Variants in PUM2 observed in about 807,000 individuals in gnomAD.
PUM2 encodes the protein pumilio RNA binding family member 2.
PUM2 carries 57 observed loss-of-function variants against 124.5 expected under a neutral mutation model. That is an observed-to-expected ratio of 0.46 (90% CI 0.37 to 0.57). PUM2 has a LOEUF of 0.57. Ranked by LOEUF, PUM2 falls within the 20% of genes least tolerant of loss-of-function variation. The pLI, the probability that PUM2 is intolerant of heterozygous loss-of-function variation, is 0.00. For missense variants in PUM2, 1,065 were observed against 1,290.6 expected (o/e 0.83, Z 2.68); for synonymous variants, 460 against 446.1 (o/e 1.03, Z -0.39).
intron 1 of PUM2, among the ~76,000 whole-genome samples, chr2:20,344,234 A>G (rs1201025109): frequency 6.6e-6 from 1 of 151,954 alleles, no homozygotes; most frequent in Non-Finnish European, 1.5e-5. Context: ...TGCCCAGCTA[A>G]TTTTTGCATT....
chr2:20,314,497 T>A (rs533351717), intron 3 of PUM2, among the ~76,000 whole-genome samples: 1 of 152,360 alleles, frequency 6.6e-6, no homozygotes, highest in South Asian at 2.1e-4. Flanking sequence ...AACATTCAAA[T>A]AGTTTTTGCT....
intron 1 of PUM2, among the ~76,000 whole-genome samples, chr2:20,333,808 G>T (rs182553636): frequency 1.2e-3 from 179 of 152,276 alleles, no homozygotes; most frequent in Non-Finnish European, 2.0e-3. Context: ...AGTGTTAGGG[G>T]TGGGGCCTAG....
chr2:20,275,673 C>A (rs1001861724), intron 13 of PUM2, among the ~76,000 whole-genome samples: 1 of 152,004 alleles, frequency 6.6e-6, no homozygotes, highest in Non-Finnish European at 1.5e-5. Flanking sequence ...AATAAACCAA[C>A]CAACCCATAA....
At chr2:20,256,617 T>C (rs1355882362) in intron 16 of PUM2, among the ~76,000 whole-genome samples, 2 of 152,044 alleles carry the variant, frequency 1.3e-5, no homozygotes, top group African/African-American at 2.4e-5. Context: ...GCTGAGTGAG[T>C]TTATCAAGTA....
rs549806773 is a variant in PUM2, at chr2:20,282,931, G to A, written c.1720+16C>T. On this transcript the variant is annotated intron_variant, in intron 12 of 20. Transcript: ENST00000361078. Reference sequence around the variant, plus strand: ...TTCCACTTAGCAGAGTACACTCATCGTAAAAACAAACTTACCTGATGAACC... The same window carrying A: ...TTCCACTTAGCAGAGTACACTCATCATAAAAACAAACTTACCTGATGAACC... 9.9e-6 allele frequency: 16 copies of A among 1,609,656 alleles called. No homozygotes were observed. The highest frequency in any genetic ancestry group is 8.9e-5 in the East Asian group (4 of 44,856).
At chr2:20,290,907 T>C in intron 9 of PUM2, 117 bp from the exon 10 acceptor site, 13 of 788,908 alleles carry the variant, frequency 1.6e-5, no homozygotes, top group Non-Finnish European at 2.4e-5. Flanking sequence ...AACATTTACA[T>C]GCAAGGAAAT....
At chr2:20,255,388 G>C (rs1290680766) in intron 17 of PUM2, 47 bp from the exon 18 acceptor site, 3 of 1,558,338 alleles carry the variant, frequency 1.9e-6, no homozygotes, top group South Asian at 1.1e-5. Context: ...TGACATTTTT[G>C]AACAGTTCTA....
intron 4 of PUM2, 81 bp downstream of exon 4, chr2:20,312,155 C>A: frequency 1.5e-6 from 2 of 1,310,724 alleles, no homozygotes; most frequent in Non-Finnish European, 2.1e-6. Context: ...CACAGAAAAA[C>A]AAATTGAATT....
At chr2:20,328,814 T>G (rs927135226) in intron 1 of PUM2, among the ~76,000 whole-genome samples, 1 of 152,194 alleles carries the variant, frequency 6.6e-6, no homozygotes, top group Non-Finnish European at 1.5e-5. Context: ...TTCAGTGACC[T>G]ATAAAATGTC....
chr2:20,272,201 A>G (rs1669215103), intron 13 of PUM2, among the ~76,000 whole-genome samples: 1 of 152,202 alleles, frequency 6.6e-6, no homozygotes, highest in South Asian at 2.1e-4. Context: ...AAATAAATAA[A>G]TAAATAGAAA....
chr2:20,339,286 T>C (rs933629012), intron 1 of PUM2, among the ~76,000 whole-genome samples: 1 of 151,020 alleles, frequency 6.6e-6, no homozygotes, highest in South Asian at 2.1e-4. Flanking sequence ...GAGATTGAGG[T>C]GGCAAGAATC....
At chr2:20,283,526 C>T (rs1484578329) in intron 10 of PUM2, 40 bp from the exon 11 acceptor site, 1 of 1,551,386 alleles carries the variant, frequency 6.4e-7, no homozygotes, top group African/African-American at 1.4e-5. Context: ...GCACTTATTA[C>T]AAAAACATGC....
At chr2:20,350,910 G>C, upstream of PUM2, 1 of 504,358 alleles carries the variant, frequency 2.0e-6, no homozygotes, top group Non-Finnish European at 2.6e-6. Context: ...GCTCACCAAG[G>C]CGCGGCTCCT....
intron 7 of PUM2, among the ~76,000 whole-genome samples, chr2:20,307,655 G>A (rs2148528239): frequency 6.6e-6 from 1 of 152,274 alleles, no homozygotes; most frequent in African/African-American, 2.4e-5. Context: ...ACAAAAAAAT[G>A]TAAATGAACA....
intron 1 of PUM2, among the ~76,000 whole-genome samples, chr2:20,336,901 C>A (rs1254239996): frequency 1.3e-5 from 2 of 151,612 alleles, no homozygotes; most frequent in African/African-American, 4.9e-5. Context: ...GGATTACAGG[C>A]ATAAGTCACC....
At chr2:20,280,242 A>T (rs1482952511) in intron 12 of PUM2, among the ~76,000 whole-genome samples, 1 of 152,106 alleles carries the variant, frequency 6.6e-6, no homozygotes, top group Non-Finnish European at 1.5e-5. Context: ...ATGCTATTCA[A>T]CCTTTTATAC....
At chr2:20,316,829 G>A (rs1186201791) in intron 3 of PUM2, among the ~76,000 whole-genome samples, 6 of 152,154 alleles carry the variant, frequency 3.9e-5, no homozygotes, top group South Asian at 2.1e-4. Flanking sequence ...GTAAGATTTC[G>A]AGACCAGCCT....
intron 1 of PUM2, among the ~76,000 whole-genome samples, chr2:20,339,437 A>G (rs1402176758): frequency 1.3e-5 from 2 of 152,224 alleles, no homozygotes; most frequent in Non-Finnish European, 2.9e-5. Context: ...GTTTCCAACC[A>G]TTTTAGAAGC....
In PUM2 at chr2:20,311,541, A is replaced by C. The variant is rs1262733344; in HGVS notation, c.471T>G (p.Asn157Lys). The change falls in exon 5 of 21, where the codon AAT becomes AAG. Residue 157 changes from asparagine (N) to lysine (K), a missense_variant. This residue lies in a region of PUM2 where 968 missense variants were observed against 1,159.8 expected (regional missense o/e 0.83). Coordinates refer to ENST00000361078, the MANE Select transcript of PUM2 (RefSeq NM_015317.5). Reference protein sequence around the residue: ...KQGDDDDSKINGRGLPNGMDA... With the variant: ...KQGDDDDSKIKGRGLPNGMDA... ...CCATTCCATTTGGCAAACCTCTGCC[A>C]TTTATTTTAGAATCATCATCATCTC... 6.2e-7 allele frequency: 1 copy of C among 1,612,796 alleles called. No individual in the cohort carries two copies. The highest frequency in any genetic ancestry group is 2.2e-5 in the East Asian group (1 of 44,850).
Sources: gnomAD v4.1 joint callset for allele counts (sites outside exome capture counted in the v4.1 genomes callset) on GRCh38, gnomAD v4.1.1 for gene constraint, gnomAD v4.1.1 regional missense constraint, MANE v1.5 for transcripts, NCBI Gene and HGNC (gene_info 2026-07-23, HGNC 2026-07-21) for gene names.